Variants in REEP3 observed in about 807,000 individuals in gnomAD.
REEP3 encodes the protein receptor expression-enhancing protein 3.
In REEP3, 20 loss-of-function variants were observed where a neutral mutation model predicts 41.3. The observed-to-expected ratio is 0.48, with a 90% CI of 0.34 to 0.70. The LOEUF (loss-of-function observed/expected upper bound fraction) is 0.70. Ranked by LOEUF, REEP3 falls within the 30% of genes least tolerant of loss-of-function variation. The probability of loss-of-function intolerance (pLI) is 0.01; values close to 1 mark genes in which losing one functional copy is unlikely to be tolerated. For missense variants in REEP3, 271 were observed against 308.8 expected (o/e 0.88, Z 0.92); for synonymous variants, 104 against 101.8 (o/e 1.02, Z -0.13).
At chr10:63,568,054 A>T (rs1325082696) in intron 2 of REEP3, among the ~76,000 whole-genome samples, 1 of 152,146 alleles carries the variant, frequency 6.6e-6, no homozygotes, top group East Asian at 1.9e-4. Context: ...AAGAGATGGA[A>T]CCATATTAAG....
At chr10:63,543,985 C>A (rs1955554551) in intron 1 of REEP3, among the ~76,000 whole-genome samples, 1 of 152,194 alleles carries the variant, frequency 6.6e-6, no homozygotes, top group Non-Finnish European at 1.5e-5. Flanking sequence ...ACTGCTACTT[C>A]AAGTATGTAC....
chr10:63,599,866 G>T (rs1391857213), intron 5 of REEP3, among the ~76,000 whole-genome samples: 2 of 152,194 alleles, frequency 1.3e-5, no homozygotes, highest in Admixed American at 1.3e-4. Flanking sequence ...TTCTTTGCAT[G>T]TTGTAATTTG....
At chr10:63,569,478 C>CTT (rs11386416) in intron 2 of REEP3, among the ~76,000 whole-genome samples, 187 of 145,792 alleles carry the variant, frequency 1.3e-3, no homozygotes, top group East Asian at 1.4e-3. Context: ...CCCAAATCTG[C>CTT]TTTTTTTTTT....
intron 1 of REEP3, among the ~76,000 whole-genome samples, chr10:63,563,855 C>G (rs1301194816): frequency 6.6e-6 from 1 of 152,052 alleles, no homozygotes; most frequent in Non-Finnish European, 1.5e-5. Context: ...GGTTTTCCTC[C>G]CGAAAACCCA....
chr10:63,619,024 T>TGTG (rs1956333100), intron 6 of REEP3, among the ~76,000 whole-genome samples: 1 of 152,254 alleles, frequency 6.6e-6, no homozygotes, highest in African/African-American at 2.4e-5. Context: ...TCACACAGTC[T>TGTG]GTGGTACTTC....
At chr10:63,575,013 T>C (rs1220166430) in intron 2 of REEP3, among the ~76,000 whole-genome samples, 1 of 151,874 alleles carries the variant, frequency 6.6e-6, no homozygotes, top group Admixed American at 6.6e-5. Context: ...TGCGCCACCA[T>C]GCCTGGCTAA....
At chr10:63,545,411 T>C (rs1485206687) in intron 1 of REEP3, among the ~76,000 whole-genome samples, 1 of 152,186 alleles carries the variant, frequency 6.6e-6, no homozygotes, top group East Asian at 1.9e-4. Context: ...AGTCTCGCTC[T>C]GTTGCCAGGC....
chr10:63,565,985 C>T (rs890665875), intron 1 of REEP3, among the ~76,000 whole-genome samples: 2 of 150,864 alleles, frequency 1.3e-5, no homozygotes, highest in African/African-American at 4.9e-5. Context: ...CCTGGGTTCA[C>T]GCCATTCTCC....
chr10:63,523,286 G>A (rs1188957253), intron 1 of REEP3, among the ~76,000 whole-genome samples: 2 of 152,142 alleles, frequency 1.3e-5, no homozygotes, highest in Non-Finnish European at 1.5e-5. Context: ...GACAAGGAAG[G>A]GATATCTGGT....
chr10:63,582,549 A>C (rs1180083733), intron 2 of REEP3, among the ~76,000 whole-genome samples: 1 of 152,214 alleles, frequency 6.6e-6, no homozygotes, highest in East Asian at 1.9e-4. Flanking sequence ...GAAACATCTT[A>C]TGTAAATTGA....
At chr10:63,524,944 A>G (rs117038265) in intron 1 of REEP3, among the ~76,000 whole-genome samples, 2 of 152,098 alleles carry the variant, frequency 1.3e-5, no homozygotes, top group Non-Finnish European at 2.9e-5. Flanking sequence ...CCCTGGAGGC[A>G]AAGGTTGCAG....
At chr10:63,533,306 A>G (rs780239793) in intron 1 of REEP3, among the ~76,000 whole-genome samples, 1 of 152,222 alleles carries the variant, frequency 6.6e-6, no homozygotes, top group Non-Finnish European at 1.5e-5. Flanking sequence ...GAGTGTTGAC[A>G]TGAAGAAAGT....
At chr10:63,522,933 G>A (rs551686997) in intron 1 of REEP3, among the ~76,000 whole-genome samples, 67 of 150,606 alleles carry the variant, frequency 4.4e-4, no homozygotes, top group Middle Eastern at 6.8e-3. Context: ...TCTAATTCAG[G>A]CATACCTTTC....
At chr10:63,594,737 A>C (rs753034808) in intron 2 of REEP3, 41 bp from the exon 3 acceptor site, 1 of 1,273,234 alleles carries the variant, frequency 7.9e-7, no homozygotes, top group Non-Finnish European at 1.1e-6. Context: ...GTTGCAAATA[A>C]TTTTCATCTG....
chr10:63,522,345 TCTC>T (rs1403964655), intron 1 of REEP3, among the ~76,000 whole-genome samples: 1 of 152,050 alleles, frequency 6.6e-6, no homozygotes, highest in African/African-American at 2.4e-5. Context: ...ATTTCATTGT[TCTC>T]CTACCAACAA....
intron 3 of REEP3, among the ~76,000 whole-genome samples, chr10:63,596,815 T>C (rs887835793): frequency 6.6e-6 from 1 of 152,174 alleles, no homozygotes; most frequent in African/African-American, 2.4e-5. Flanking sequence ...TCTTGCTCCA[T>C]TGCCCAAGCT....
At chr10:63,586,627 A>G (rs935618157) in intron 2 of REEP3, among the ~76,000 whole-genome samples, 32 of 151,988 alleles carry the variant, frequency 2.1e-4, no homozygotes, top group Admixed American at 5.9e-4. Flanking sequence ...AAATAATTAG[A>G]AAAAAAATGG....
intron 1 of REEP3, among the ~76,000 whole-genome samples, chr10:63,554,567 T>G (rs556187291): frequency 6.6e-6 from 1 of 152,302 alleles, no homozygotes; most frequent in African/African-American, 2.4e-5. Context: ...AAGTTCTATG[T>G]TTTGGCTTTA....
intron 6 of REEP3, among the ~76,000 whole-genome samples, chr10:63,611,525 G>C (rs1956277141): frequency 6.6e-6 from 1 of 151,930 alleles, no homozygotes; most frequent in Non-Finnish European, 1.5e-5. Context: ...ATATAAATTA[G>C]ACACGGTTCC....
Sources: allele counts gnomAD v4.1 joint callset (sites outside exome capture counted in the v4.1 genomes callset), GRCh38; gene constraint gnomAD v4.1.1; transcripts MANE v1.5; gene names NCBI Gene and HGNC (gene_info 2026-07-23, HGNC 2026-07-21).